SIPA1L3: variants seen among roughly 807,000 people sequenced by gnomAD.
SIPA1L3 encodes signal induced proliferation associated 1 like 3, also known as signal-induced proliferation-associated 1-like protein 3.
In SIPA1L3, 59 loss-of-function variants were observed where a neutral mutation model predicts 150.1. The ratio of observed to expected loss-of-function variants is 0.39; its 90% CI spans 0.32 to 0.49. The LOEUF is 0.49. SIPA1L3 is among the 20% of genes least tolerant of loss of function. SIPA1L3 has a pLI of 0.86. For synonymous variants in SIPA1L3, 1,070 were observed against 1,077.6 expected, an observed-to-expected ratio of 0.99 and a Z score of 0.14; for missense variants, 2,211 against 2,489.5, an observed-to-expected ratio of 0.89 and a Z score of 2.38.
intron 1 of SIPA1L3, among the ~76,000 whole-genome samples, chr19:37,950,100 A>AAAG (rs1568475568): frequency 6.7e-6 from 1 of 150,110 alleles, no homozygotes. Context: ...AAAAAAAAAA[A>AAAG]GAGTGTGACC....
rs757889907 is a variant in SIPA1L3 at position 38,100,012 on chromosome 19, C to G, written c.1716C>G (p.Thr572=). The stretch of plus-strand genomic sequence containing the variant: ...TGGAAGATGCTACGCCCACAGCCAC[C>G]AAGCATGGGACCGGGCGGGGCCTGC... ...SILEDATPTA[T]KHGTGRGLPL... is the part of the protein sequence containing the mutation. The change falls in exon 5 of 22, where the codon ACC becomes ACG. Residue 572 remains threonine (T), a synonymous_variant. Coordinates refer to ENST00000222345, the MANE Select transcript of SIPA1L3 (RefSeq NM_015073.3). The G allele has an allele frequency of 6.8e-6, 11 of 1,610,496 alleles. No homozygotes were observed. In the East Asian group the frequency reaches 2.2e-4, roughly 33 times the overall value.
chr19:38,049,092 C>G (rs1725459), intron 2 of SIPA1L3, among the ~76,000 whole-genome samples: 58,172 of 149,452 alleles, frequency 0.39, 12,568 homozygotes, highest in African/African-American at 0.59. Flanking sequence ...AAAAAAAAAG[C>G]GGGGGGTGGA....
intron 13 of SIPA1L3, among the ~76,000 whole-genome samples, chr19:38,161,380 C>T (rs1600152959): frequency 6.8e-6 from 1 of 146,748 alleles, no homozygotes; most frequent in Admixed American, 6.9e-5. Context: ...ATACAACCAA[C>T]AAAGGATTGC....
intron 2 of SIPA1L3, among the ~76,000 whole-genome samples, chr19:38,035,702 C>T (rs1463223350): frequency 2.0e-5 from 3 of 151,644 alleles, no homozygotes; most frequent in Non-Finnish European, 2.9e-5. Context: ...CACGAGAAGT[C>T]GCATAATAGA....
At chr19:37,978,460 A>G (rs1218279557) in intron 1 of SIPA1L3, among the ~76,000 whole-genome samples, 1 of 152,208 alleles carries the variant, frequency 6.6e-6, no homozygotes, top group Non-Finnish European at 1.5e-5. Flanking sequence ...ACAATGGCCC[A>G]TGAAGCCAGT....
At chr19:38,114,477 TC>T (rs1339785074) in intron 8 of SIPA1L3, among the ~76,000 whole-genome samples, 7 of 150,082 alleles carry the variant, frequency 4.7e-5, no homozygotes, top group Non-Finnish European at 1.0e-4. Flanking sequence ...TAAAGTGCAA[TC>T]TGACAATCTG....
chr19:38,191,727 G>A (rs1452098811), intron 16 of SIPA1L3, among the ~76,000 whole-genome samples: 1 of 83,668 alleles, frequency 1.2e-5, no homozygotes, highest in Non-Finnish European at 2.1e-5. Context: ...CAGGAGAGTA[G>A]CTTGAACCCA....
At chr19:38,120,305 A>C (rs1009974695) in intron 9 of SIPA1L3, among the ~76,000 whole-genome samples, 1 of 151,872 alleles carries the variant, frequency 6.6e-6, no homozygotes, top group African/African-American at 2.4e-5. Context: ...CTACAAAAAA[A>C]AAAAAAAGAA....
At chr19:37,972,328 T>C (rs944142260) in intron 1 of SIPA1L3, among the ~76,000 whole-genome samples, 3 of 152,134 alleles carry the variant, frequency 2.0e-5, no homozygotes, top group Non-Finnish European at 2.9e-5. Context: ...ATTTGTGATA[T>C]AGTGTGGCAA....
chr19:38,137,224 T>C (rs1427598004), intron 10 of SIPA1L3, among the ~76,000 whole-genome samples: 1 of 152,164 alleles, frequency 6.6e-6, no homozygotes, highest in Admixed American at 6.6e-5. Flanking sequence ...AGTCTCACTC[T>C]GTTGCCCAGG....
chr19:38,056,505 C>G (rs1323226130), intron 2 of SIPA1L3, among the ~76,000 whole-genome samples: 4 of 152,194 alleles, frequency 2.6e-5, no homozygotes, highest in Non-Finnish European at 5.9e-5. Context: ...TCTCCAGCAC[C>G]CTGCTCCCAT....
At chr19:37,945,527 G>A (rs987973597) in intron 1 of SIPA1L3, among the ~76,000 whole-genome samples, 8 of 152,000 alleles carry the variant, frequency 5.3e-5, no homozygotes, top group Non-Finnish European at 1.2e-4. Context: ...GTGAGCCACC[G>A]CGCCCAGCCA....
intron 7 of SIPA1L3, among the ~76,000 whole-genome samples, chr19:38,106,987 A>G (rs1267573008): frequency 6.6e-6 from 1 of 152,230 alleles, no homozygotes; most frequent in Admixed American, 6.5e-5. Flanking sequence ...GCTTAACTAG[A>G]AAAAGAGATT....
intron 8 of SIPA1L3, among the ~76,000 whole-genome samples, chr19:38,114,306 C>A (rs1970831656): frequency 6.6e-6 from 1 of 151,804 alleles, no homozygotes; most frequent in Non-Finnish European, 1.5e-5. Flanking sequence ...GCCTGTAATC[C>A]CAGCTACTCA....
intron 2 of SIPA1L3, among the ~76,000 whole-genome samples, chr19:38,072,318 A>T (rs1259048482): frequency 6.6e-6 from 1 of 152,254 alleles, no homozygotes; most frequent in Non-Finnish European, 1.5e-5. Flanking sequence ...GACCTGGACC[A>T]TAGAAGGATT....
intron 12 of SIPA1L3, among the ~76,000 whole-genome samples, chr19:38,152,556 C>T (rs1314071026): frequency 2.0e-5 from 3 of 152,210 alleles, no homozygotes; most frequent in African/African-American, 4.8e-5. Flanking sequence ...GTAGGGCTGT[C>T]GGCCCAAGCG....
At chr19:38,068,666 G>T (rs1171656365) in intron 2 of SIPA1L3, among the ~76,000 whole-genome samples, 1 of 152,032 alleles carries the variant, frequency 6.6e-6, no homozygotes, top group Non-Finnish European at 1.5e-5. Context: ...TTGAGGTTTT[G>T]TGAGACCTCA....
intron 1 of SIPA1L3, among the ~76,000 whole-genome samples, chr19:37,986,108 C>T (rs1019995285): frequency 6.6e-6 from 1 of 152,226 alleles, no homozygotes; most frequent in Admixed American, 6.5e-5. Flanking sequence ...AATTAACCAT[C>T]TCTTTTCTTT....
intron 1 of SIPA1L3, chr19:37,932,792 T>C (rs2046567282): frequency 6.6e-6 from 1 of 152,282 alleles, no homozygotes; most frequent in Non-Finnish European, 1.5e-5. Context: ...GTTTTCTCTT[T>C]TTTTCCCCCC....
Sources: gnomAD v4.1 joint callset for allele counts (sites outside exome capture counted in the v4.1 genomes callset) on GRCh38, gnomAD v4.1.1 for gene constraint, MANE v1.5 for transcripts, NCBI Gene and HGNC (gene_info 2026-07-23, HGNC 2026-07-21) for gene names.